Variants in DOP1A observed in about 807,000 individuals in gnomAD.
DOP1A encodes the protein protein DOP1A.
Under a neutral mutation model 267.6 loss-of-function variants are expected in DOP1A, and 90 were observed. The ratio of observed to expected loss-of-function variants is 0.34; its 90% CI spans 0.28 to 0.40. DOP1A has a LOEUF of 0.40. Among genes scored for constraint, DOP1A ranks in the 10% least tolerant of loss-of-function variants. DOP1A has a pLI of 1.00. For synonymous variants in DOP1A, 932 were observed against 999.1 expected (o/e 0.93, Z 1.27); for missense variants, 2,437 against 2,900.4 (o/e 0.84, Z 3.67).
intron 1 of DOP1A, among the ~76,000 whole-genome samples, chr6:83,088,167 C>T (rs964517115): frequency 9.2e-5 from 14 of 152,100 alleles, no homozygotes; most frequent in Admixed American, 4.6e-4. Context: ...CCACCGCACC[C>T]GGCCAACCAT....
In DOP1A at chr6:83,107,607, AGAAT is replaced by A. The variant is rs200901224; in HGVS notation, c.321-1300_321-1297del. ...GATAGACATTAAGCAATTCAAATAAAGAATGATAAGTGTTTTAGTAAGTGAATAT... is the reference window on the plus strand; with the variant it reads ...GATAGACATTAAGCAATTCAAATAAAGATAAGTGTTTTAGTAAGTGAATAT... On this transcript the variant is annotated intron_variant, in intron 4 of 38. Coordinates refer to ENST00000349129, the MANE Select transcript of DOP1A (RefSeq NM_015018.4). Among the ~76,000 whole-genome samples the A allele has an allele frequency of 3.7e-3, 568 of 152,348 alleles. 3 individuals carry two copies. The highest frequency in any genetic ancestry group is 0.013 in the African/African-American group (548 of 41,582).
At chr6:83,088,509 A>G (rs1461114758) in intron 1 of DOP1A, among the ~76,000 whole-genome samples, 1 of 141,356 alleles carries the variant, frequency 7.1e-6, no homozygotes, top group Non-Finnish European at 1.5e-5. Flanking sequence ...TGCAACCTCC[A>G]ACTCTGAGGT....
Position 83,134,198 on chromosome 6 carries a change from G to A in DOP1A, c.2781G>A (p.Met927Ile), listed in dbSNP as rs1778519362. 6.2e-7 allele frequency: 1 copy of A among 1,612,446 alleles called. No individual in the cohort carries two copies. Among genetic ancestry groups the A allele is most frequent in the Non-Finnish European group, 8.5e-7 (1 of 1,179,146 alleles). ...ATGTTTCTCCTCAGAAAATAAGGAT[G>A]GAAGCACATGCCAAGTTTGCAGTTC... ...QLTHKDKKIRMEAHAKFAVLW... is the reference protein window; with the variant it reads ...QLTHKDKKIRIEAHAKFAVLW... The change falls in exon 19 of 39, where the codon ATG (methionine) becomes ATA (isoleucine). Residue 927 changes from methionine (M) to isoleucine (I), a missense_variant. Around this residue, in one of 9 missense-constraint regions of DOP1A, gnomAD observed 878 missense variants for 992.9 expected, o/e 0.88. Transcript: ENST00000349129.
rs1178899809 is a variant in DOP1A, at chr6:83,097,016, A to G, written c.39A>G (p.Lys13=). Residue 13 remains lysine, a synonymous_variant, in exon 3 of 39, where the codon AAA becomes AAG. Coordinates refer to ENST00000349129, the MANE Select transcript of DOP1A (RefSeq NM_015018.4). ...TEELELLSDS[K]YRNYVAAIDK... is the part of the protein sequence containing the mutation. ...AGCTGGAGTTATTGAGTGACTCCAA[A>G]TACAGAAACTATGTAGCAGCAATTG... 1 of 1,614,144 alleles carries G rather than the reference A, an allele frequency of 6.2e-7. No individual in the cohort carries two copies. The highest frequency in any genetic ancestry group is 1.1e-5 in the South Asian group (1 of 91,078).
intron 21 of DOP1A, 69 bp downstream of exon 21, chr6:83,139,231 A>G (rs1172126566): frequency 1.1e-5 from 13 of 1,232,614 alleles, no homozygotes; most frequent in African/African-American, 1.5e-5. Context: ...ATGTCTGGAA[A>G]GTTGGTCACA....
chr6:83,120,321 C>T (rs931459050), intron 9 of DOP1A, among the ~76,000 whole-genome samples: 3 of 151,772 alleles, frequency 2.0e-5, no homozygotes, highest in Admixed American at 6.6e-5. Context: ...AAGTCACTAA[C>T]GGGAAAATAA....
Position 83,097,092 on chromosome 6 carries a change from T to C in DOP1A, c.115T>C (p.Ser39Pro), listed in dbSNP as rs768992648. 1 of 1,614,048 alleles carries C rather than the reference T, an allele frequency of 6.2e-7. No homozygotes were observed. Among genetic ancestry groups the C allele is most frequent in the South Asian group, 1.1e-5 (1 of 91,072 alleles). ...EYSSEWADLI[S>P]ALGKLNKVLQ... ...CTCCAGTGAATGGGCAGATTTGATA[T>C]CAGCACTTGGAAAACTTAATAAGGT... The change falls in exon 3 of 39, where the codon TCA becomes CCA. Residue 39 changes from serine (S) to proline (P), a missense_variant. This residue lies in a region of DOP1A where 251 missense variants were observed against 359.1 expected (regional missense o/e 0.70). Transcript: ENST00000349129.
Position 83,109,011 on chromosome 6 carries a change from A to C in DOP1A, c.422A>C (p.Lys141Thr). 1 of 1,613,786 alleles carries C rather than the reference A, an allele frequency of 6.2e-7. No individual in the cohort carries two copies. Among genetic ancestry groups the C allele is most frequent in the Non-Finnish European group, 8.5e-7 (1 of 1,179,882 alleles). The change falls in exon 5 of 39, where the codon AAA (lysine) becomes ACA (threonine). Residue 141 changes from lysine to threonine, a missense_variant. This residue lies in a region of DOP1A where 251 missense variants were observed against 359.1 expected (regional missense o/e 0.70). Transcript: ENST00000349129. ...IYYLPLGKTLKPGLQGLLTGI... is the reference protein window; with the variant it reads ...IYYLPLGKTLTPGLQGLLTGI... ...TATCTGCCTTTGGGTAAAACACTGAAACCTGGTCTACAGGGATTGCTTACT... is the reference window on the plus strand; with the variant it reads ...TATCTGCCTTTGGGTAAAACACTGACACCTGGTCTACAGGGATTGCTTACT...
chr6:83,139,620 G>A (rs949193886), intron 21 of DOP1A, among the ~76,000 whole-genome samples: 2 of 152,220 alleles, frequency 1.3e-5, no homozygotes, highest in African/African-American at 4.8e-5. Flanking sequence ...TCAAAATGAA[G>A]TCTGAAAAAT....
In DOP1A at chr6:83,130,110, T is replaced by C. The variant is rs757922238; in HGVS notation, c.2342-13T>C. The C allele has an allele frequency of 1.2e-6, 2 of 1,610,856 alleles. No individual in the cohort carries two copies. The highest frequency in any genetic ancestry group is 2.2e-5 in the East Asian group (1 of 44,860). ...GTATAATGAACTCTGATTGCTACCA[T>C]CTTTTGTTTCAGACTGTGAGCATGT... On this transcript the variant is annotated splice_polypyrimidine_tract_variant and intron_variant, in intron 16 of 38. Transcript: ENST00000349129.
intron 23 of DOP1A, among the ~76,000 whole-genome samples, chr6:83,140,692 C>T (rs1235570797): frequency 6.6e-6 from 1 of 152,154 alleles, no homozygotes; most frequent in African/African-American, 2.4e-5. Flanking sequence ...TTTGCACTCA[C>T]TCCCTGTTCC....
chr6:83,135,267 A>C (rs1778708544), intron 19 of DOP1A, among the ~76,000 whole-genome samples: 1 of 145,618 alleles, frequency 6.9e-6, no homozygotes, highest in African/African-American at 2.6e-5. Flanking sequence ...ACATGGAGTA[A>C]TGCCGACTTG....
Position 83,148,825 on chromosome 6 carries a change from A to G in DOP1A, c.5799A>G (p.Gln1933=), listed in dbSNP as rs773626374. 7.7e-6 allele frequency: 12 copies of G among 1,551,884 alleles called. No homozygotes were observed. The highest frequency in any genetic ancestry group is 1.0e-5 in the Non-Finnish European group (12 of 1,159,464). ...TGATACTTCTGAAAGACTCTATACAACTGAGTCTTCCAGCTCCAGGGCAGT... is the reference window on the plus strand; with the variant it reads ...TGATACTTCTGAAAGACTCTATACAGCTGAGTCTTCCAGCTCCAGGGCAGT... ...SLLILLKDSI[Q]LSLPAPGQFL... is the part of the protein sequence containing the mutation. Residue 1933 remains glutamine (Q), a synonymous_variant, in exon 27 of 39, where the codon CAA becomes CAG. Transcript: ENST00000349129.
intron 37 of DOP1A, 141 bp from the exon 38 acceptor site, chr6:83,162,649 T>C: frequency 1.2e-6 from 1 of 856,650 alleles, no homozygotes; most frequent in Admixed American, 3.0e-5. Flanking sequence ...ATACCCAAAG[T>C]GACAAGGCTA....
chr6:83,166,736 C>A, intron 38 of DOP1A: 1 of 1,150,764 alleles, frequency 8.7e-7, no homozygotes. Flanking sequence ...AGCTTGAGAG[C>A]ACATAGAAGA....
chr6:83,152,860 C>T (rs748524607), intron 30 of DOP1A, among the ~76,000 whole-genome samples: 5 of 152,050 alleles, frequency 3.3e-5, no homozygotes, highest in South Asian at 4.1e-4. Flanking sequence ...TCAGGTAATC[C>T]GCCCACCTCG....
intron 27 of DOP1A, among the ~76,000 whole-genome samples, chr6:83,149,668 G>T (rs984467579): frequency 6.6e-6 from 1 of 152,142 alleles, no homozygotes; most frequent in African/African-American, 2.4e-5. Flanking sequence ...GTTAGTAGTA[G>T]TAGGCTAGAT....
chr6:83,144,691 T>C (rs1780196678), intron 24 of DOP1A, among the ~76,000 whole-genome samples: 1 of 152,016 alleles, frequency 6.6e-6, no homozygotes, highest in Admixed American at 6.6e-5. Context: ...AAGTAATGAA[T>C]AGATAATGTC....
At chr6:83,078,972 G>C (rs1011000793) in intron 1 of DOP1A, among the ~76,000 whole-genome samples, 4 of 152,086 alleles carry the variant, frequency 2.6e-5, no homozygotes, top group African/African-American at 9.7e-5. Context: ...GACATTGAAG[G>C]GTTGTAGGAG....
Sources: allele counts gnomAD v4.1 joint callset (sites outside exome capture counted in the v4.1 genomes callset), GRCh38; gene constraint gnomAD v4.1.1; regional missense constraint gnomAD v4.1.1; transcripts MANE v1.5; gene names NCBI Gene and HGNC (gene_info 2026-07-23, HGNC 2026-07-21).